PLCL2: variants seen among roughly 807,000 people sequenced by gnomAD.
The protein encoded by PLCL2 is inactive phospholipase C-like protein 2.
Under a neutral mutation model 79.6 loss-of-function variants are expected in PLCL2, and 4 were observed. That is an observed-to-expected ratio of 0.05 (90% CI 0.02 to 0.11). The LOEUF (loss-of-function observed/expected upper bound fraction) is 0.11, where lower values mean the gene tolerates loss of function less well. Ranked by LOEUF, PLCL2 falls within the 10% of genes least tolerant of loss-of-function variation. The probability of loss-of-function intolerance (pLI) is 1.00; values close to 1 mark genes in which losing one functional copy is unlikely to be tolerated. For missense variants in PLCL2, 895 were observed against 1,291.0 expected (o/e 0.69, Z 4.70); for synonymous variants, 484 against 457.7 (o/e 1.06, Z -0.73).
chr3:16,999,442 A>G (rs2064184927), intron 1 of PLCL2, among the ~76,000 whole-genome samples: 1 of 152,224 alleles, frequency 6.6e-6, no homozygotes, highest in Non-Finnish European at 1.5e-5. Flanking sequence ...ACTGAAATGT[A>G]TTTATTGAAC....
At position 17,010,314 on chromosome 3, in the gene PLCL2, G is replaced by T; in HGVS notation, c.968G>T (p.Gly323Val). ...TTGCATAAATCAAAGGACAAAGCTG[G>T]TACCGAGGTCACAAAGGAAGAATTT... ...KELHKSKDKA[G>V]TEVTKEEFIE... The change falls in exon 2 of 6, where the codon GGT becomes GTT. Residue 323 changes from glycine (G) to valine (V), a missense_variant. Around this residue, in one of 6 missense-constraint regions of PLCL2, gnomAD observed 93 missense variants for 93.2 expected, o/e 1.00. Coordinates refer to ENST00000615277, the MANE Select transcript of PLCL2 (RefSeq NM_001144382.2). The surrounding 1 kb of genome is among the most constrained non-coding windows in gnomAD (Gnocchi z 5.8). 6.2e-7 allele frequency: 1 copy of T among 1,614,056 alleles called. No individual in the cohort carries two copies. Among genetic ancestry groups the T allele is most frequent in the Admixed American group, 1.7e-5 (1 of 60,020 alleles).
intron 1 of PLCL2, among the ~76,000 whole-genome samples, chr3:16,981,489 G>C (rs986798329): frequency 3.3e-5 from 5 of 152,154 alleles, no homozygotes; most frequent in African/African-American, 1.2e-4. Flanking sequence ...ATCATATGGA[G>C]TTTAAAATAG....
chr3:16,935,064 C>G (rs779213543), intron 1 of PLCL2, among the ~76,000 whole-genome samples: 1 of 152,148 alleles, frequency 6.6e-6, no homozygotes, highest in African/African-American at 2.4e-5. Context: ...CTAGCTTCAG[C>G]CTCACTGAGT....
intron 3 of PLCL2, chr3:17,035,804 A>G (rs763768492): frequency 5.5e-5 from 28 of 511,910 alleles, no homozygotes; most frequent in Admixed American, 4.9e-4. Flanking sequence ...AAGCTTAACA[A>G]TATTTTACAT....
At chr3:17,084,593 A>T (rs1434489100) in intron 5 of PLCL2, among the ~76,000 whole-genome samples, 1 of 152,234 alleles carries the variant, frequency 6.6e-6, no homozygotes, top group Non-Finnish European at 1.5e-5. Context: ...ATCAAATGGG[A>T]TTTATACTGG....
chr3:16,991,521 T>C (rs1241573792), intron 1 of PLCL2, among the ~76,000 whole-genome samples: 2 of 152,190 alleles, frequency 1.3e-5, no homozygotes, highest in Non-Finnish European at 2.9e-5. Context: ...TTCTTTTTAA[T>C]TCTTAAAGAA....
intron 1 of PLCL2, among the ~76,000 whole-genome samples, chr3:17,003,441 C>T (rs549229802): frequency 6.6e-6 from 1 of 152,304 alleles, no homozygotes; most frequent in South Asian, 2.1e-4. Context: ...ACTCAGAGTT[C>T]CTGCTCTGCC....
intron 1 of PLCL2, among the ~76,000 whole-genome samples, chr3:16,904,358 G>C (rs1696703078): frequency 6.6e-6 from 1 of 150,614 alleles, no homozygotes; most frequent in African/African-American, 2.5e-5. Context: ...TACGTTTACT[G>C]GTTTTCTAGA....
intron 3 of PLCL2, among the ~76,000 whole-genome samples, chr3:17,016,357 A>G (rs1050369345): frequency 2.6e-5 from 4 of 152,230 alleles, no homozygotes; most frequent in Admixed American, 1.3e-4. Context: ...CACACATTGT[A>G]GTGGGGGCTG....
intron 3 of PLCL2, among the ~76,000 whole-genome samples, chr3:17,025,299 T>G (rs1053419487): frequency 6.6e-6 from 1 of 152,228 alleles, no homozygotes; most frequent in Non-Finnish European, 1.5e-5. Context: ...CCCATTCTTA[T>G]GTAGTTTAGA....
At chr3:17,014,429 C>T (rs2064361350) in intron 2 of PLCL2, among the ~76,000 whole-genome samples, 2 of 152,132 alleles carry the variant, frequency 1.3e-5, no homozygotes, top group Non-Finnish European at 2.9e-5. Flanking sequence ...CTACTATGAA[C>T]TTTGGGCTGA....
chr3:16,979,911 C>T (rs1432463735), intron 1 of PLCL2, among the ~76,000 whole-genome samples: 6 of 151,034 alleles, frequency 4.0e-5, no homozygotes, highest in South Asian at 2.1e-4. Context: ...CCAGTAGGCA[C>T]GGCCAGGCAG....
chr3:16,899,825 T>C (rs1352498090), intron 1 of PLCL2, among the ~76,000 whole-genome samples: 2 of 150,026 alleles, frequency 1.3e-5, no homozygotes, highest in African/African-American at 2.5e-5. Flanking sequence ...CATTAAAATA[T>C]CCCCCCCGCC....
chr3:16,955,270 T>G (rs1281785674), intron 1 of PLCL2, among the ~76,000 whole-genome samples: 1 of 152,218 alleles, frequency 6.6e-6, no homozygotes, highest in East Asian at 1.9e-4. Context: ...CCAGCACCAT[T>G]TATTAAATAG....
intron 1 of PLCL2, among the ~76,000 whole-genome samples, chr3:16,893,200 C>G (rs1696391981): frequency 1.3e-5 from 2 of 152,138 alleles, no homozygotes; most frequent in East Asian, 3.8e-4. Flanking sequence ...CTCTGCTCTC[C>G]TTTGATGGAT....
At chr3:16,991,296 A>G (rs2064103012) in intron 1 of PLCL2, among the ~76,000 whole-genome samples, 1 of 152,198 alleles carries the variant, frequency 6.6e-6, no homozygotes, top group South Asian at 2.1e-4. Context: ...GATTCATAAT[A>G]GTAGCTCAGT....
chr3:16,909,071 C>T (rs1356035608), intron 1 of PLCL2, among the ~76,000 whole-genome samples: 1 of 152,114 alleles, frequency 6.6e-6, no homozygotes, highest in Non-Finnish European at 1.5e-5. Context: ...CAGTGTGTCT[C>T]AGGAGTAATA....
chr3:17,069,612 C>T (rs2065044189), intron 5 of PLCL2, among the ~76,000 whole-genome samples: 1 of 152,106 alleles, frequency 6.6e-6, no homozygotes, highest in South Asian at 2.1e-4. Flanking sequence ...CCAACAGATT[C>T]AAGACCATAA....
At chr3:16,908,963 C>G (rs1178249229) in intron 1 of PLCL2, among the ~76,000 whole-genome samples, 4 of 152,198 alleles carry the variant, frequency 2.6e-5, no homozygotes, top group South Asian at 2.1e-4. Context: ...AACTAGATAT[C>G]TGGAACAAAG....
Sources: gnomAD v4.1 joint callset for allele counts (sites outside exome capture counted in the v4.1 genomes callset) on GRCh38, gnomAD v4.1.1 for gene constraint, gnomAD v4.1.1 regional missense constraint, Gnocchi (gnomAD v3.1) non-coding constraint, MANE v1.5 for transcripts, NCBI Gene and HGNC (gene_info 2026-07-23, HGNC 2026-07-21) for gene names.